Variants in PIK3R5 observed in about 807,000 individuals in gnomAD.
PIK3R5 encodes phosphoinositide 3-kinase regulatory subunit 5.
Under a neutral mutation model 94.9 loss-of-function variants are expected in PIK3R5, and 32 were observed. That is an observed-to-expected ratio of 0.34 (90% CI 0.25 to 0.45). The LOEUF (loss-of-function observed/expected upper bound fraction) is 0.45, where lower values mean the gene tolerates loss of function less well. Ranked by LOEUF, PIK3R5 falls within the 20% of genes least tolerant of loss-of-function variation. The pLI, the probability that PIK3R5 is intolerant of heterozygous loss-of-function variation, is 1.00. For missense variants in PIK3R5, 853 were observed against 1,144.6 expected (o/e 0.75, Z 3.68); for synonymous variants, 443 against 479.4 (o/e 0.92, Z 0.99).
chr17:8,927,936 T>C (rs747202086), intron 1 of PIK3R5, among the ~76,000 whole-genome samples: 1 of 152,198 alleles, frequency 6.6e-6, no homozygotes, highest in Non-Finnish European at 1.5e-5. Flanking sequence ...ATGTGATTTC[T>C]TCACACCAGC....
intron 6 of PIK3R5, 146 bp from the exon 7 acceptor site, chr17:8,891,058 A>T: frequency 2.9e-6 from 2 of 693,530 alleles, no homozygotes; most frequent in Non-Finnish European, 4.7e-6. Flanking sequence ...TGACCACAGG[A>T]GGCCAGGACA....
chr17:8,957,163 G>T (rs1339700260), intron 1 of PIK3R5, among the ~76,000 whole-genome samples: 1 of 152,086 alleles, frequency 6.6e-6, no homozygotes, highest in Non-Finnish European at 1.5e-5. Context: ...AGAACTACAG[G>T]CTCTTTAAAA....
Position 8,892,610 on chromosome 17 carries a change from C to G in PIK3R5, c.482+976G>C, listed in dbSNP as rs1475494956. Among the ~76,000 whole-genome samples the G allele has an allele frequency of 6.6e-6, 1 of 152,236 alleles. No homozygotes were observed. Among genetic ancestry groups the G allele is most frequent in the East Asian group, 1.9e-4 (1 of 5,204 alleles). Reference sequence around the variant, plus strand: ...CTTTGATGATTCTTCATCAGCCCACCTGCCCCAGCTCCCCCAGAGGAATCT... The same window carrying G: ...CTTTGATGATTCTTCATCAGCCCACGTGCCCCAGCTCCCCCAGAGGAATCT... On this transcript the variant is annotated intron_variant, in intron 6 of 18. Coordinates refer to ENST00000447110, the MANE Select transcript of PIK3R5 (RefSeq NM_001142633.3). The surrounding 1 kb of genome is among the most constrained non-coding windows in gnomAD (Gnocchi z 4.3).
chr17:8,887,416 G>T, intron 11 of PIK3R5, 105 bp downstream of exon 11: 1 of 1,355,862 alleles, frequency 7.4e-7, no homozygotes, highest in Non-Finnish European at 1.0e-6. Context: ...GCAGGGGGAG[G>T]TGCCCTGTCA....
chr17:8,938,022 G>C (rs1225591665), intron 1 of PIK3R5, among the ~76,000 whole-genome samples: 1 of 152,130 alleles, frequency 6.6e-6, no homozygotes, highest in Non-Finnish European at 1.5e-5. Context: ...TGTTGGCCAG[G>C]CTGGTCTTGA....
chr17:8,926,689 G>A (rs1337474148), intron 1 of PIK3R5, among the ~76,000 whole-genome samples: 1 of 152,090 alleles, frequency 6.6e-6, no homozygotes, highest in African/African-American at 2.4e-5. Flanking sequence ...CTCCCACCAG[G>A]TCCCTCCCAC....
In PIK3R5 at chr17:8,881,615, G is replaced by A. The variant is rs762747677; in HGVS notation, c.2382+15C>T. On this transcript the variant is annotated intron_variant, in intron 17 of 18. Coordinates refer to ENST00000447110, the MANE Select transcript of PIK3R5 (RefSeq NM_001142633.3). This position sits in a 1 kb window ranked among gnomAD's most constrained non-coding sequence, Gnocchi z 4.8. ...TCTCTTGAGGGTATGGCTGGAAGGA[G>A]AGGGAAGCCCGTACCTGGTTAAAGC... 2.5e-6 allele frequency: 4 copies of A among 1,603,186 alleles called. No homozygotes were observed. In the South Asian group the frequency reaches 4.4e-5, roughly 18 times the overall value.
intron 1 of PIK3R5, among the ~76,000 whole-genome samples, chr17:8,963,972 C>T (rs746821293): frequency 3.9e-5 from 6 of 152,226 alleles, no homozygotes; most frequent in African/African-American, 9.6e-5. Context: ...TTGTCTTCCA[C>T]GGGTCCACAG....
intron 1 of PIK3R5, among the ~76,000 whole-genome samples, chr17:8,947,629 A>C (rs1253933271): frequency 6.6e-6 from 1 of 152,180 alleles, no homozygotes; most frequent in Admixed American, 6.5e-5. Context: ...GGGAGAAAAG[A>C]GGCGGAAATG....
chr17:8,886,465 G>A lies in PIK3R5; in HGVS notation c.2034+12C>T. ...GGTGGGGAAGAGGCGGTTCGGGGCA[G>A]GGAGGCCTTACCTCGGTCTGATAGA... On this transcript the variant is annotated intron_variant, in intron 13 of 18. Coordinates refer to ENST00000447110, the MANE Select transcript of PIK3R5 (RefSeq NM_001142633.3). 6.3e-7 allele frequency: 1 copy of A among 1,599,078 alleles called. No individual in the cohort carries two copies. Among genetic ancestry groups the A allele is most frequent in the Non-Finnish European group, 8.5e-7 (1 of 1,171,644 alleles).
intron 5 of PIK3R5, among the ~76,000 whole-genome samples, chr17:8,897,162 G>A (rs2090169842): frequency 1.3e-5 from 2 of 152,248 alleles, no homozygotes. Flanking sequence ...GGCCTCAGCA[G>A]GGCCTGGGCA....
At chr17:8,928,761 A>G (rs2090935055) in intron 1 of PIK3R5, among the ~76,000 whole-genome samples, 1 of 152,210 alleles carries the variant, frequency 6.6e-6, no homozygotes, top group South Asian at 2.1e-4. Context: ...GCCAAAGGAA[A>G]TTCTCTAAAC....
chr17:8,923,666 T>C (rs1215039100), intron 1 of PIK3R5, among the ~76,000 whole-genome samples: 2 of 152,192 alleles, frequency 1.3e-5, no homozygotes, highest in East Asian at 1.9e-4. Flanking sequence ...GGGCTAAACC[T>C]TGGGCACTTA....
At position 8,888,453 on chromosome 17, in the gene PIK3R5, C is replaced by G. The variant is rs776659041; in HGVS notation, c.1334G>C (p.Gly445Ala). 1.9e-6 allele frequency: 3 copies of G among 1,599,734 alleles called. No individual in the cohort carries two copies. The East Asian group carries it at 6.8e-5, about 36-fold the overall frequency. Residue 445 changes from glycine to alanine, a missense_variant, in exon 10 of 19, where the codon GGC (glycine) becomes GCC (alanine). Gly to Ala is a moderately conservative substitution (Grantham distance 60). Coordinates refer to ENST00000447110, the MANE Select transcript of PIK3R5 (RefSeq NM_001142633.3). This position sits in a 1 kb window ranked among gnomAD's most constrained non-coding sequence, Gnocchi z 7.8. ...CAGGGGCAGGGCCGTGTCCGAGCTG[C>G]CCTCCAGGCTCCGAGAGTCCCTCCG... ...VLRRDSRSLEGSSDTALPLRR... is the reference protein window; with the variant it reads ...VLRRDSRSLEASSDTALPLRR...
At chr17:8,901,937 C>A (rs1219935765) in intron 5 of PIK3R5, among the ~76,000 whole-genome samples, 2 of 152,092 alleles carry the variant, frequency 1.3e-5, no homozygotes, top group Non-Finnish European at 2.9e-5. Context: ...CATAGGGATT[C>A]ATCAGGATAA....
In PIK3R5 at chr17:8,879,223, C is replaced by G. The variant is rs1334728794; in HGVS notation, c.*1416G>C. The G allele has an allele frequency of 2.0e-5, 3 of 152,234 alleles. No homozygotes were observed. The highest frequency in any genetic ancestry group is 2.0e-4 in the Admixed American group (3 of 15,282). The allele number at this position is 152,234 out of a possible 1,614,324, so 9.4% of individuals were successfully genotyped here. ...GGGAAGAGGGACTTTGTGCAGGATA[C>G]AGTTCATGCTTCCGTGGCTACTTTC... On this transcript the variant is annotated 3_prime_UTR_variant, in exon 19 of 19. Coordinates refer to ENST00000447110, the MANE Select transcript of PIK3R5 (RefSeq NM_001142633.3). This position sits in a 1 kb window ranked among gnomAD's most constrained non-coding sequence, Gnocchi z 4.4.
chr17:8,964,390 C>CAATAATAAT (rs374437977), intron 1 of PIK3R5, among the ~76,000 whole-genome samples: 91 of 151,666 alleles, frequency 6.0e-4, no homozygotes, highest in African/African-American at 1.8e-3. Flanking sequence ...GACCCTGTCT[C>CAATAATAAT]AATAATAATA....
At chr17:8,885,010 C>A in intron 14 of PIK3R5, 1 of 540,658 alleles carries the variant, frequency 1.8e-6, no homozygotes, top group East Asian at 3.2e-5. Context: ...CCGCTGTGAT[C>A]ACACATTCCC....
Position 8,935,289 on chromosome 17 carries a change from A to G in PIK3R5, c.-13-23782T>C, listed in dbSNP as rs974284182. Among the ~76,000 whole-genome samples the G allele has an allele frequency of 6.6e-6, 1 of 152,194 alleles. No homozygotes were observed. The highest frequency in any genetic ancestry group is 1.9e-4 in the East Asian group (1 of 5,194). On this transcript the variant is annotated intron_variant, in intron 1 of 18. Transcript: ENST00000447110. This position sits in a 1 kb window ranked among gnomAD's most constrained non-coding sequence, Gnocchi z 4.5. ...GGGCAGATTCTCCCTGGAAAGTTACATGAGTGTGCAAACGAAAGCCCCGCC... is the reference window on the plus strand; with the variant it reads ...GGGCAGATTCTCCCTGGAAAGTTACGTGAGTGTGCAAACGAAAGCCCCGCC...
Sources: gnomAD v4.1 joint callset for allele counts (sites outside exome capture counted in the v4.1 genomes callset) on GRCh38, gnomAD v4.1.1 for gene constraint, Gnocchi (gnomAD v3.1) non-coding constraint, MANE v1.5 for transcripts, NCBI Gene and HGNC (gene_info 2026-07-23, HGNC 2026-07-21) for gene names.